Variants in VPS35L observed in about 807,000 individuals in gnomAD.
VPS35L encodes VPS35 endosomal protein-sorting factor-like.
VPS35L carries 83 observed loss-of-function variants against 133.0 expected under a neutral mutation model. The ratio of observed to expected loss-of-function variants is 0.62; its 90% CI spans 0.52 to 0.75. The LOEUF (loss-of-function observed/expected upper bound fraction) is 0.75. Among genes scored for constraint, VPS35L ranks in the 30% least tolerant of loss-of-function variants. The probability of loss-of-function intolerance (pLI) is 0.00; values close to 1 mark genes in which losing one functional copy is unlikely to be tolerated. For synonymous variants in VPS35L, 423 were observed against 449.9 expected, an observed-to-expected ratio of 0.94 and a Z score of 0.76; for missense variants, 1,083 against 1,206.8, an observed-to-expected ratio of 0.90 and a Z score of 1.52.
intron 27 of VPS35L, among the ~76,000 whole-genome samples, chr16:19,678,936 C>A (rs1975159475): frequency 1.3e-5 from 2 of 152,194 alleles, no homozygotes; most frequent in Admixed American, 1.3e-4. Context: ...TACGTCTCCA[C>A]TGGCCCTTGT....
chr16:19,694,644 C>A (rs1038507147), intron 29 of VPS35L, among the ~76,000 whole-genome samples: 1 of 152,110 alleles, frequency 6.6e-6, no homozygotes, highest in African/African-American at 2.4e-5. Flanking sequence ...CATGTACCAC[C>A]ACACCCAGCT....
chr16:19,616,643 G>T (rs1972902762), intron 13 of VPS35L, 43 bp from the exon 14 acceptor site: 2 of 1,599,392 alleles, frequency 1.3e-6, no homozygotes, highest in Non-Finnish European at 1.7e-6. Flanking sequence ...TTGTTGTTTG[G>T]TTTTTCCCCT....
At chr16:19,672,138 A>G (rs922212974) in intron 27 of VPS35L, among the ~76,000 whole-genome samples, 1 of 151,978 alleles carries the variant, frequency 6.6e-6, no homozygotes, top group Non-Finnish European at 1.5e-5. Flanking sequence ...TGTTTTATAG[A>G]GGTACATTCT....
At chr16:19,563,845 G>A (rs976310189) in intron 1 of VPS35L, among the ~76,000 whole-genome samples, 3 of 152,146 alleles carry the variant, frequency 2.0e-5, no homozygotes. Flanking sequence ...TGATAGCCCT[G>A]AACTCCTGTT....
At chr16:19,700,308 G>T in intron 30 of VPS35L, 70 bp from the exon 31 acceptor site, 1 of 1,364,372 alleles carries the variant, frequency 7.3e-7, no homozygotes, top group South Asian at 1.2e-5. Flanking sequence ...CATAATGGCT[G>T]ATTCATTAGA....
chr16:19,637,504 A>AT, intron 19 of VPS35L, 90 bp from the exon 20 acceptor site: 1 of 953,112 alleles, frequency 1.0e-6, no homozygotes, highest in African/African-American at 1.7e-5. Context: ...TTAAAAAAAA[A>AT]TTTAGGTTTT....
In VPS35L at chr16:19,700,691, C is replaced by CA. The variant is rs1976101309; in HGVS notation, c.*216dup. On this transcript the variant is annotated 3_prime_UTR_variant, in exon 31 of 31. Coordinates refer to ENST00000417362, the MANE Select transcript of VPS35L (RefSeq NM_020314.7). ...TTAAAATGCAATCTTCACTAAGAAG[C>CA]AGTCTCTGTGTTGTCTTTGCACAAG... is the stretch of plus-strand genomic sequence containing the variant. 1 of 545,766 alleles carries CA rather than the reference C, an allele frequency of 1.8e-6. No homozygotes were observed. The highest frequency in any genetic ancestry group is 1.9e-5 in the African/African-American group (1 of 53,296). The allele number at this position is 545,766 out of a possible 1,614,324, so 33.8% of individuals were successfully genotyped here. A position where few individuals can be genotyped will look rare whatever the true frequency, so the allele number is the denominator to read the frequency against.
At chr16:19,681,432 A>C (rs1975275201) in intron 27 of VPS35L, among the ~76,000 whole-genome samples, 1 of 152,066 alleles carries the variant, frequency 6.6e-6, no homozygotes, top group Non-Finnish European at 1.5e-5. Flanking sequence ...TCCCCACCTT[A>C]ATGTGGCTGG....
At chr16:19,648,054 A>T (rs954197983) in intron 24 of VPS35L, among the ~76,000 whole-genome samples, 172 bp downstream of exon 24, 1 of 152,128 alleles carries the variant, frequency 6.6e-6, no homozygotes, top group Admixed American at 6.6e-5. Flanking sequence ...CCTGGGCTCA[A>T]GCAATTCTCC....
At chr16:19,578,704 T>C in intron 5 of VPS35L, 1 of 331,230 alleles carries the variant, frequency 3.0e-6, no homozygotes, top group Admixed American at 4.4e-5. Flanking sequence ...GAGGGCCTTT[T>C]GTTCATAGAA....
At chr16:19,672,681 G>A (rs566723310) in intron 27 of VPS35L, among the ~76,000 whole-genome samples, 2 of 152,238 alleles carry the variant, frequency 1.3e-5, no homozygotes, top group East Asian at 1.9e-4. Context: ...ATGGGGCAGC[G>A]TGCACTGGCA....
rs867987560 is a variant in VPS35L at position 19,633,760 on chromosome 16, C to T, written c.1635+588C>T. Among the ~76,000 whole-genome samples, 6 of 151,902 alleles carry T rather than the reference C, an allele frequency of 3.9e-5. No individual in the cohort carries two copies. Among genetic ancestry groups the T allele is most frequent in the South Asian group, 2.1e-4 (1 of 4,814 alleles). ...TTTTTGTTTTTGTTTTGTTTTGAGA[C>T]GGAGTCTTGCTCTGTTGCCCAGGCT... On this transcript the variant is annotated intron_variant, in intron 19 of 30. Transcript: ENST00000417362. The surrounding 1 kb of genome is among the most constrained non-coding windows in gnomAD (Gnocchi z 4.1).
At chr16:19,616,860 C>T (rs751826021) in intron 14 of VPS35L, 52 bp downstream of exon 14, 3 of 1,612,622 alleles carry the variant, frequency 1.9e-6, no homozygotes, top group African/African-American at 2.7e-5. Context: ...TGGTGACAGC[C>T]CCTGCCCACT....
intron 5 of VPS35L, 142 bp from the exon 6 acceptor site, chr16:19,578,910 T>G (rs1335719907): frequency 3.9e-6 from 3 of 762,916 alleles, no homozygotes; most frequent in Non-Finnish European, 6.8e-6. Context: ...GAAGTTGCTT[T>G]GAAAATCTGG....
intron 5 of VPS35L, 75 bp downstream of exon 5, chr16:19,575,197 G>A (rs12925996): frequency 0.15 from 214,805 of 1,386,272 alleles, 17,492 homozygotes; most frequent in African/African-American, 0.27. Flanking sequence ...AAGGAAAAAA[G>A]TTTTATGTGA....
intron 7 of VPS35L, among the ~76,000 whole-genome samples, chr16:19,586,723 G>A (rs1336755002): frequency 6.6e-6 from 1 of 152,108 alleles, no homozygotes; most frequent in African/African-American, 2.4e-5. Context: ...TCTTTGCCTA[G>A]CTCAAGGTCA....
intron 1 of VPS35L, among the ~76,000 whole-genome samples, chr16:19,564,512 C>T (rs13334972): frequency 0.15 from 22,261 of 152,026 alleles, 2,321 homozygotes; most frequent in East Asian, 0.37. Context: ...GATTCTTCTG[C>T]GTCAGCCTCC....
intron 4 of VPS35L, 137 bp from the exon 5 acceptor site, chr16:19,574,961 C>T: frequency 5.8e-6 from 4 of 688,762 alleles, no homozygotes; most frequent in South Asian, 2.4e-5. Flanking sequence ...TTTGAATCTC[C>T]AGTGGTTTTT....
At position 19,689,021 on chromosome 16, in the gene VPS35L, C is replaced by A. The variant is rs542864564; in HGVS notation, c.2528-2332C>A. On this transcript the variant is annotated intron_variant, in intron 28 of 30. Coordinates refer to ENST00000417362, the MANE Select transcript of VPS35L (RefSeq NM_020314.7). Reference sequence around the variant, plus strand: ...GCAACAGAGCTGTACGCGTAGCGCCCCCTTACCCGGTGTCTCTTCTTTTTT... The same window carrying A: ...GCAACAGAGCTGTACGCGTAGCGCCACCTTACCCGGTGTCTCTTCTTTTTT... Among the ~76,000 whole-genome samples, 14 of 152,046 alleles carry A rather than the reference C, an allele frequency of 9.2e-5. No individual in the cohort carries two copies. In the South Asian group the frequency reaches 2.9e-3, roughly 32 times the overall value.
Sources: allele counts gnomAD v4.1 joint callset (sites outside exome capture counted in the v4.1 genomes callset), GRCh38; gene constraint gnomAD v4.1.1; non-coding constraint Gnocchi (gnomAD v3.1); transcripts MANE v1.5; gene names NCBI Gene and HGNC (gene_info 2026-07-23, HGNC 2026-07-21).